The following DUOX1 variants were observed in gnomAD, a reference collection of about 807,000 sequenced individuals.
The protein encoded by DUOX1 is dual oxidase 1, also known as NADPH thyroid oxidase 1.
DUOX1 carries 134 observed loss-of-function variants against 181.8 expected under a neutral mutation model. The ratio of observed to expected loss-of-function variants is 0.74; its 90% CI spans 0.64 to 0.85. The LOEUF (loss-of-function observed/expected upper bound fraction) is 0.85. Among genes scored for constraint, DUOX1 ranks in the 40% least tolerant of loss-of-function variants. DUOX1 has a pLI of 0.00. For synonymous variants in DUOX1, 798 were observed against 832.5 expected (o/e 0.96, Z 0.71); for missense variants, 1,814 against 2,064.4 (o/e 0.88, Z 2.35).
At chr15:45,148,480 T>C (rs1896718864) in intron 21 of DUOX1, 33 bp downstream of exon 21, 1 of 1,590,836 alleles carries the variant, frequency 6.3e-7, no homozygotes, top group Non-Finnish European at 8.6e-7. Flanking sequence ...ACTGACTCAT[T>C]GGTTAGGCAT....
intron 14 of DUOX1, 147 bp downstream of exon 14, chr15:45,141,557 G>A (rs977884613): frequency 2.3e-6 from 2 of 881,992 alleles, no homozygotes; most frequent in African/African-American, 3.3e-5. Flanking sequence ...AACTCCAGGT[G>A]CCAGGGCCAC....
rs150156444 is a variant in DUOX1 at position 45,140,078 on chromosome 15, G to A, written c.1389+479G>A. ...TTCCTGGTGTTCTCAAACCAGTAGC[G>A]GTCACCATCCCACAGCCGCACAAAT... is the stretch of plus-strand genomic sequence containing the variant. On this transcript the variant is annotated intron_variant, in intron 12 of 33. Coordinates refer to ENST00000389037, the MANE Select transcript of DUOX1 (RefSeq NM_175940.3). 3.2e-3 allele frequency: 4,322 copies of A among 1,366,280 alleles called. 12 individuals carry two copies. Among genetic ancestry groups the A allele is most frequent in the Non-Finnish European group, 3.9e-3 (3,917 of 1,013,586 alleles). The allele number at this position is 1,366,280 out of a possible 1,614,324, so 84.6% of individuals were successfully genotyped here.
chr15:45,131,206 G>C (rs554074916), intron 1 of DUOX1, among the ~76,000 whole-genome samples: 1 of 152,210 alleles, frequency 6.6e-6, no homozygotes, highest in South Asian at 2.1e-4. Context: ...TCGCACTCAG[G>C]AGTCCCAGCC....
chr15:45,155,582 A>AAC, intron 27 of DUOX1: 1 of 605,798 alleles, frequency 1.7e-6, no homozygotes, highest in East Asian at 3.3e-5. Flanking sequence ...AAAAAAAAAA[A>AAC]AAAAAAATCA....
chr15:45,134,431 G>A, intron 4 of DUOX1, 122 bp downstream of exon 4: 5 of 1,068,384 alleles, frequency 4.7e-6, no homozygotes. Flanking sequence ...GGTGAGAGGT[G>A]GAGGAGGCAG....
At position 45,152,387 on chromosome 15, in the gene DUOX1, T is replaced by C. The variant is rs776240226; in HGVS notation, c.3295T>C (p.Tyr1099His). 6.2e-7 allele frequency: 1 copy of C among 1,614,220 alleles called. No individual in the cohort carries two copies. Among genetic ancestry groups the C allele is most frequent in the Non-Finnish European group, 8.5e-7 (1 of 1,180,030 alleles). ...AGCCAGCATCTCTTTCATGTTCTCC[T>C]ACATCTTGCTCACCATGTGCCGCAA... is the stretch of plus-strand genomic sequence containing the variant. Reference protein sequence around the residue: ...TAASISFMFSYILLTMCRNLI... With the variant: ...TAASISFMFSHILLTMCRNLI... The change falls in exon 25 of 34, where the codon TAC becomes CAC. Residue 1099 changes from tyrosine (Y) to histidine (H), a missense_variant. Physicochemically the swap from Tyr to His is moderately conservative, Grantham distance 83. This residue lies in a region of DUOX1 where 1,064 missense variants were observed against 1,152.9 expected (regional missense o/e 0.92). Transcript: ENST00000389037.
At chr15:45,138,706 A>C (rs1896404366) in intron 10 of DUOX1, 2 of 204,214 alleles carry the variant, frequency 9.8e-6, no homozygotes, top group Non-Finnish European at 2.0e-5. Flanking sequence ...AGGGAAGGAA[A>C]CTGAGTTCAG....
At chr15:45,148,736 G>T (rs1896726727) in intron 21 of DUOX1, among the ~76,000 whole-genome samples, 1 of 152,120 alleles carries the variant, frequency 6.6e-6, no homozygotes, top group Non-Finnish European at 1.5e-5. Flanking sequence ...CTCTGCTGGT[G>T]GGGTGGGTAG....
chr15:45,162,179 G>T lies in DUOX1; in HGVS notation c.4090-40G>T, dbSNP rs1006520890. 4 of 1,579,960 alleles carry T rather than the reference G, an allele frequency of 2.5e-6. No homozygotes were observed. In the African/African-American group the frequency reaches 5.4e-5, roughly 21 times the overall value. On this transcript the variant is annotated intron_variant, in intron 30 of 33. Transcript: ENST00000389037. ...TCATTTCTGGCTTCCGATCTATGGT[G>T]GTGGCCAAGCTTAACTGAAACCCAC...
Position 45,165,017 on chromosome 15 carries a change from A to G in DUOX1, c.*116A>G. The G allele has an allele frequency of 2.4e-6, 3 of 1,225,168 alleles. No homozygotes were observed. The highest frequency in any genetic ancestry group is 2.8e-5 in the South Asian group (2 of 72,246). The allele number at this position is 1,225,168 out of a possible 1,614,324, so 75.9% of individuals were successfully genotyped here. A position where few individuals can be genotyped will look rare whatever the true frequency, so the allele number is the denominator to read the frequency against. On this transcript the variant is annotated 3_prime_UTR_variant, in exon 34 of 34. Coordinates refer to ENST00000389037, the MANE Select transcript of DUOX1 (RefSeq NM_175940.3). ...GCCTTCTCTGATTTCCCACCTCCCA[A>G]CCTTGTTCCAGGTGGCCATAGTCAG...
chr15:45,134,388 G>T, intron 4 of DUOX1, 79 bp downstream of exon 4: 40 of 1,457,938 alleles, frequency 2.7e-5, no homozygotes, highest in Non-Finnish European at 3.7e-5. Flanking sequence ...GTCAGAGGAT[G>T]AGAGAGAAGT....
At chr15:45,151,771 G>C (rs1896809626) in intron 23 of DUOX1, 103 bp from the exon 24 acceptor site, 1 of 1,233,654 alleles carries the variant, frequency 8.1e-7, no homozygotes, top group Non-Finnish European at 1.1e-6. Flanking sequence ...CTCGGAAGCA[G>C]TGGGCTTCCC....
intron 17 of DUOX1, 32 bp downstream of exon 17, chr15:45,144,267 C>T: frequency 1.9e-6 from 3 of 1,611,172 alleles, no homozygotes; most frequent in Non-Finnish European, 2.5e-6. Flanking sequence ...GCTCCTTGTC[C>T]ACAGCCAAGG....
At chr15:45,149,026 CA>C (rs1250146102) in intron 21 of DUOX1, among the ~76,000 whole-genome samples, 2 of 152,142 alleles carry the variant, frequency 1.3e-5, no homozygotes, top group Non-Finnish European at 2.9e-5. Flanking sequence ...CCTGCCCCAC[CA>C]GTGTCTGATT....
Position 45,142,032 on chromosome 15 carries a change from C to A in DUOX1, c.1742C>A (p.Pro581His), listed in dbSNP as rs1473770813. The change falls in exon 15 of 34, where the codon CCC becomes CAC. Residue 581 changes from proline to histidine, a missense_variant. This residue lies in a region of DUOX1 where 1,064 missense variants were observed against 1,152.9 expected (regional missense o/e 0.92). Transcript: ENST00000389037. The part of the protein sequence containing the change: ...LSTEGLPACA[P>H]SVVRDYFEGS... ...ACTGAAGGCCTGCCAGCGTGTGCTC[C>A]CTCTGTTGTTCGTGACTATTTTGAG... 6.2e-7 allele frequency: 1 copy of A among 1,613,836 alleles called. No homozygotes were observed. The highest frequency in any genetic ancestry group is 1.3e-5 in the African/African-American group (1 of 74,900).
chr15:45,133,868 T>G lies in DUOX1; in HGVS notation c.63T>G (p.Ala21=). ...CTTCCCTCCATTCTCACACAGGAGC[T>G]CAGAACCCCATTTCGTGGGAGGTGC... is the stretch of plus-strand genomic sequence containing the variant. The part of the protein sequence containing the change: ...LLVGAWTPLG[A]QNPISWEVQR... Residue 21 remains alanine (A), a synonymous_variant, in exon 3 of 34, where the codon GCT becomes GCG. Coordinates refer to ENST00000389037, the MANE Select transcript of DUOX1 (RefSeq NM_175940.3). 6.2e-7 allele frequency: 1 copy of G among 1,613,668 alleles called. No homozygotes were observed.
chr15:45,155,042 A>T (rs1421289349), intron 27 of DUOX1, among the ~76,000 whole-genome samples: 1 of 152,250 alleles, frequency 6.6e-6, no homozygotes, highest in African/African-American at 2.4e-5. Flanking sequence ...ACAAGGACCA[A>T]ACCTTGACTC....
rs76442796 is a variant in DUOX1, at chr15:45,143,087, G to A, written c.1823-103G>A. ...ACAATTGAGCAAGCTGACCTAGGAG[G>A]TGGGGACAATAGGTGGTATTGCCAG... On this transcript the variant is annotated intron_variant, in intron 15 of 33. Coordinates refer to ENST00000389037, the MANE Select transcript of DUOX1 (RefSeq NM_175940.3). The A allele has an allele frequency of 1.2e-3, 1,014 of 816,194 alleles. 16 individuals carry two copies. In the East Asian group the frequency reaches 0.026, roughly 21 times the overall value. 50.6% of individuals were successfully genotyped at this position (816,194 alleles called of 1,614,324 possible).
intron 10 of DUOX1, chr15:45,138,701 A>T (rs1896404186): frequency 1.0e-5 from 2 of 198,342 alleles, no homozygotes; most frequent in Non-Finnish European, 2.0e-5. Context: ...TATTAAGGGA[A>T]GGAAACTGAG....
Sources: allele counts gnomAD v4.1 joint callset (sites outside exome capture counted in the v4.1 genomes callset), GRCh38; gene constraint gnomAD v4.1.1; regional missense constraint gnomAD v4.1.1; transcripts MANE v1.5; gene names NCBI Gene and HGNC (gene_info 2026-07-23, HGNC 2026-07-21).